CTNND2: variants seen among roughly 807,000 people sequenced by gnomAD.
The protein encoded by CTNND2 is catenin delta 2, also known as catenin delta-2.
A neutral mutation model predicts 144.4 loss-of-function variants in CTNND2; 22 were observed. The ratio of observed to expected loss-of-function variants is 0.15; its 90% confidence interval spans 0.11 to 0.22. The LOEUF (loss-of-function observed/expected upper bound fraction) is 0.22, where lower values mean the gene tolerates loss of function less well. Ranked by LOEUF, CTNND2 falls within the 10% of genes least tolerant of loss-of-function variation. The pLI, the probability that CTNND2 is intolerant of heterozygous loss-of-function variation, is 1.00. For synonymous variants in CTNND2, 751 were observed against 695.6 expected, an observed-to-expected ratio of 1.08 and a Z score of -1.25; for missense variants, 1,353 against 1,618.8, an observed-to-expected ratio of 0.84 and a Z score of 2.82.
intron 12 of CTNND2, among the ~76,000 whole-genome samples, chr5:11,126,375 C>A (rs968273737): frequency 6.6e-6 from 1 of 152,114 alleles, no homozygotes; most frequent in Non-Finnish European, 1.5e-5. Flanking sequence ...CAGATTATTT[C>A]TAATTTTTTA....
At chr5:11,900,729 T>C (rs752761405) in intron 1 of CTNND2, among the ~76,000 whole-genome samples, 2 of 152,148 alleles carry the variant, frequency 1.3e-5, no homozygotes, top group South Asian at 2.1e-4. Context: ...AAGCCAACAA[T>C]GAATTTGGCT....
chr5:11,500,180 C>T (rs1322467901), intron 3 of CTNND2, among the ~76,000 whole-genome samples: 1 of 152,086 alleles, frequency 6.6e-6, no homozygotes, highest in African/African-American at 2.4e-5. Context: ...TCTATGCCTG[C>T]ATATTATCCT....
chr5:11,249,428 C>T (rs148052634), intron 9 of CTNND2, among the ~76,000 whole-genome samples: 1 of 152,202 alleles, frequency 6.6e-6, no homozygotes, highest in South Asian at 2.1e-4. Context: ...TTCAAAGGAG[C>T]AAGGCTTTGT....
intron 2 of CTNND2, among the ~76,000 whole-genome samples, chr5:11,567,038 G>C (rs1777167198): frequency 6.6e-6 from 1 of 152,046 alleles, no homozygotes; most frequent in Non-Finnish European, 1.5e-5. Flanking sequence ...TCTCATTTTG[G>C]AAGACGTTTT....
rs1016171716 is a variant in CTNND2, at chr5:10,973,766, C to T, written c.3418-53G>A. 9.8e-6 allele frequency: 15 copies of T among 1,528,832 alleles called. No individual in the cohort carries two copies. The African/African-American group carries it at 1.7e-4, about 17-fold the overall frequency. 94.7% of individuals were successfully genotyped at this position (1,528,832 alleles called of 1,614,324 possible). ...GTTACTTGGTTTCCCTTGACTCAGC[C>T]TGCCTCTTGCCCCGGCACCCAACTC... On this transcript the variant is annotated intron_variant, in intron 21 of 21. Transcript: ENST00000304623. The surrounding 1 kb of genome is among the most constrained non-coding windows in gnomAD (Gnocchi z 5.6).
At position 11,858,878 on chromosome 5, in the gene CTNND2, G is replaced by C. The variant is rs139741555; in HGVS notation, c.37+44939C>G. Among the ~76,000 whole-genome samples, 1,100 of 152,326 alleles carry C rather than the reference G, an allele frequency of 7.2e-3. 14 individuals are homozygous for C. Among genetic ancestry groups the C allele is most frequent in the African/African-American group, 0.025 (1,041 of 41,568 alleles). ...TGGGAGGCGGAGCTTGCAGTGAGCT[G>C]AGATCCCACCACTGCACTCCAGCCT... On this transcript the variant is annotated intron_variant, in intron 1 of 21. Coordinates refer to ENST00000304623, the MANE Select transcript of CTNND2 (RefSeq NM_001332.4).
In CTNND2 at chr5:11,879,341, G is replaced by GTATA. The variant is rs1411823676; in HGVS notation, c.37+24472_37+24475dup. On this transcript the variant is annotated intron_variant, in intron 1 of 21. Coordinates refer to ENST00000304623, the MANE Select transcript of CTNND2 (RefSeq NM_001332.4). ...AAGTGTATTAAAAAATTAAATGTGTGTATATATATATATATACATATACAC... is the reference window on the plus strand; with the variant it reads ...AAGTGTATTAAAAAATTAAATGTGTGTATATATATATATATATATACATATACAC... 1.4e-4 allele frequency among the ~76,000 whole-genome samples: 15 copies of GTATA among 109,380 alleles called. 1 individual carries two copies. Among genetic ancestry groups the GTATA allele is most frequent in the South Asian group, 3.3e-4 (1 of 3,070 alleles). 71.8% of individuals were successfully genotyped at this position (109,380 alleles called of 152,430 possible).
At chr5:11,500,286 C>T (rs1431490221) in intron 3 of CTNND2, among the ~76,000 whole-genome samples, 1 of 152,126 alleles carries the variant, frequency 6.6e-6, no homozygotes, top group Non-Finnish European at 1.5e-5. Context: ...TAACACATGG[C>T]AAGCTCTTAA....
At chr5:11,624,637 A>C (rs1781056376) in intron 2 of CTNND2, among the ~76,000 whole-genome samples, 1 of 152,146 alleles carries the variant, frequency 6.6e-6, no homozygotes, top group Admixed American at 6.6e-5. Flanking sequence ...ATTCAGAAAA[A>C]TTAACTTTTA....
intron 11 of CTNND2, among the ~76,000 whole-genome samples, chr5:11,188,743 A>ACT (rs1735923660): frequency 6.6e-6 from 1 of 152,194 alleles, no homozygotes; most frequent in East Asian, 1.9e-4. Context: ...TGGCTGGAAG[A>ACT]AGCCATATGG....
intron 9 of CTNND2, among the ~76,000 whole-genome samples, chr5:11,260,838 G>A (rs537334362): frequency 6.6e-6 from 1 of 152,152 alleles, no homozygotes; most frequent in African/African-American, 2.4e-5. Flanking sequence ...ATCATTAAGG[G>A]GGTAACATAA....
At chr5:11,474,896 C>T (rs184874735) in intron 3 of CTNND2, among the ~76,000 whole-genome samples, 1 of 152,274 alleles carries the variant, frequency 6.6e-6, no homozygotes, top group African/African-American at 2.4e-5. Context: ...CTATGTACAC[C>T]TGCCCTTCAT....
Position 11,346,445 on chromosome 5 carries a change from A to G in CTNND2, c.1555T>C (p.Ser519Pro). The G allele has an allele frequency of 6.4e-7, 1 of 1,571,352 alleles. No individual in the cohort carries two copies. Among genetic ancestry groups the G allele is most frequent in the Non-Finnish European group, 8.7e-7 (1 of 1,156,064 alleles). Residue 519 changes from serine (S) to proline (P), a missense_variant, in exon 9 of 22, where the codon TCC (serine) becomes CCC (proline). By Grantham distance (74) the Ser-to-Pro change is moderately conservative. Transcript: ENST00000304623. ...CCTTCAGGCGGGAGAGCAGGGCCGG[A>G]TTTGCTGTATGGAGACTCAACAGAG... The part of the protein sequence containing the change: ...CPSVESPYSK[S>P]GPALPPEGTL...
chr5:11,438,961 G>A (rs1015224887), intron 3 of CTNND2, among the ~76,000 whole-genome samples: 8 of 151,998 alleles, frequency 5.3e-5, no homozygotes, highest in African/African-American at 1.9e-4. Context: ...TATGTTCAAT[G>A]TCTTAAAGTA....
At chr5:11,477,930 A>G (rs1370739802) in intron 3 of CTNND2, among the ~76,000 whole-genome samples, 1 of 152,216 alleles carries the variant, frequency 6.6e-6, no homozygotes, top group Non-Finnish European at 1.5e-5. Context: ...AGATCAAGCA[A>G]GCAAATAAAT....
chr5:11,781,196 G>GAA (rs1790525181), intron 1 of CTNND2, among the ~76,000 whole-genome samples: 1 of 151,646 alleles, frequency 6.6e-6, no homozygotes, highest in African/African-American at 2.4e-5. Context: ...ATGAGAGAGA[G>GAA]AACACTAATC....
chr5:11,683,818 T>C (rs1455096185), intron 2 of CTNND2, among the ~76,000 whole-genome samples: 1 of 152,252 alleles, frequency 6.6e-6, no homozygotes, highest in Admixed American at 6.5e-5. Context: ...TTACCATGTC[T>C]TTCCATTATG....
At chr5:11,769,365 A>G (rs1242329315) in intron 1 of CTNND2, among the ~76,000 whole-genome samples, 1 of 152,208 alleles carries the variant, frequency 6.6e-6, no homozygotes, top group Non-Finnish European at 1.5e-5. Context: ...ATTAACTACA[A>G]TAAGAGCATA....
intron 2 of CTNND2, among the ~76,000 whole-genome samples, chr5:11,652,267 A>G (rs1782682017): frequency 6.6e-6 from 1 of 152,088 alleles, no homozygotes; most frequent in East Asian, 1.9e-4. Context: ...TCCTCCTCCT[A>G]CGGCCACGTA....
Sources: allele counts gnomAD v4.1 joint callset (sites outside exome capture counted in the v4.1 genomes callset), GRCh38; gene constraint gnomAD v4.1.1; non-coding constraint Gnocchi (gnomAD v3.1); transcripts MANE v1.5; gene names NCBI Gene and HGNC (gene_info 2026-07-23, HGNC 2026-07-21).